The following ZNF765 variants were observed in gnomAD, a reference collection of about 807,000 sequenced individuals.
ZNF765 encodes zinc finger protein 765.
In ZNF765, 37 loss-of-function variants were observed where a neutral mutation model predicts 44.7. That is an observed-to-expected ratio of 0.83 (90% CI 0.64 to 1.09). ZNF765 has a LOEUF of 1.09. Among genes scored for constraint, ZNF765 ranks in the 50% least tolerant of loss-of-function variants. The pLI, the probability that ZNF765 is intolerant of heterozygous loss-of-function variation, is 0.00. For missense variants in ZNF765, 594 were observed against 626.1 expected (o/e 0.95, Z 0.55); for synonymous variants, 201 against 213.7 (o/e 0.94, Z 0.52).
At chr19:53,402,263 T>G in intron 3 of ZNF765, 72 bp downstream of exon 3, 1 of 1,531,940 alleles carries the variant, frequency 6.5e-7, no homozygotes, top group Non-Finnish European at 8.7e-7. Flanking sequence ...TTTTTTTTTT[T>G]TTTTTTTTTT....
At chr19:53,412,188 T>C (rs1376981632), downstream of ZNF765, among the ~76,000 whole-genome samples, 1 of 152,234 alleles carries the variant, frequency 6.6e-6, no homozygotes, top group Non-Finnish European at 1.5e-5. Flanking sequence ...TTCTATTGTT[T>C]AGGTAAATTT....
intron 3 of ZNF765, among the ~76,000 whole-genome samples, chr19:53,419,207 GT>G (rs1319131852): frequency 2.6e-5 from 4 of 152,102 alleles, no homozygotes; most frequent in African/African-American, 9.7e-5. Flanking sequence ...TCTATCTGTG[GT>G]TCAGCCTACT....
intron 1 of ZNF765, among the ~76,000 whole-genome samples, chr19:53,396,168 G>GGCAGACA (rs2085667182): frequency 1.3e-5 from 2 of 152,150 alleles, no homozygotes; most frequent in Non-Finnish European, 2.9e-5. Flanking sequence ...AGAGCAGAGT[G>GGCAGACA]GTGCTGGTGG....
At chr19:53,398,779 T>C (rs1161725926) in intron 2 of ZNF765, among the ~76,000 whole-genome samples, 2 of 152,144 alleles carry the variant, frequency 1.3e-5, no homozygotes, top group Non-Finnish European at 2.9e-5. Context: ...ATATGAAGTC[T>C]TGCTTTGTCG....
chr19:53,414,240 C>CAAAAAAAAAAAAAA (rs754534125), downstream of ZNF765, among the ~76,000 whole-genome samples: 3 of 77,986 alleles, frequency 3.8e-5, 1 homozygote, highest in African/African-American at 1.6e-4. Flanking sequence ...GACTCCATCT[C>CAAAAAAAAAAAAAA]AAAAAAAAAA....
chr19:53,406,027 ATTTTTTT>A (rs201892505), intron 3 of ZNF765, among the ~76,000 whole-genome samples: 104,053 of 124,772 alleles, frequency 0.83, 43,717 homozygotes, highest in Admixed American at 0.88. Flanking sequence ...CCGTTAGTCA[ATTTTTTT>A]TTTTTTTTTT....
chr19:53,399,194 C>T (rs1378423850), intron 2 of ZNF765, among the ~76,000 whole-genome samples: 1 of 151,098 alleles, frequency 6.6e-6, no homozygotes, highest in Non-Finnish European at 1.5e-5. Flanking sequence ...ATTAACTCAT[C>T]ATTTAGCATT....
chr19:53,396,086 G>C (rs1394945564), intron 1 of ZNF765, among the ~76,000 whole-genome samples: 1 of 152,008 alleles, frequency 6.6e-6, no homozygotes, highest in East Asian at 1.9e-4. Context: ...GAGCAAGGTA[G>C]GGAGAGGGAC....
At chr19:53,426,591 A>G (rs1219637386) in exon 4 of ZNF765, 2 of 152,388 alleles carry the variant, frequency 1.3e-5, no homozygotes, top group Non-Finnish European at 2.9e-5. Flanking sequence ...GGAGGTGAGC[A>G]GTGGGTGAGT....
chr19:53,414,464 CA>C (rs1303047066), downstream of ZNF765, among the ~76,000 whole-genome samples: 14 of 18,056 alleles, frequency 7.8e-4, 2 homozygotes, highest in African/African-American at 1.9e-3. Context: ...CACACACACA[CA>C]CACACACACA....
intron 3 of ZNF765, among the ~76,000 whole-genome samples, chr19:53,405,520 T>C (rs1320521511): frequency 6.6e-6 from 1 of 151,614 alleles, no homozygotes; most frequent in African/African-American, 2.4e-5. Flanking sequence ...CCAGCCAAAT[T>C]GGTTCCTGGT....
chr19:53,414,285 A>T (rs2147103130), downstream of ZNF765, among the ~76,000 whole-genome samples: 1 of 150,714 alleles, frequency 6.6e-6, no homozygotes, highest in Middle Eastern at 3.4e-3. Context: ...TATGATATAA[A>T]AATCCTTTGC....
chr19:53,408,435 A>G lies in ZNF765; in HGVS notation c.880A>G (p.Thr294Ala). The G allele has an allele frequency of 6.2e-7, 1 of 1,613,844 alleles. No individual in the cohort carries two copies. The highest frequency in any genetic ancestry group is 2.2e-5 in the East Asian group (1 of 44,846). ...CCTAACATGCCATCGTAGACTTCAT[A>G]CTGGAGAGAAACCTTACAAATGTGA... is the stretch of plus-strand genomic sequence containing the variant. Reference protein sequence around the residue: ...YYLTCHRRLHTGEKPYKCEEC... With the variant: ...YYLTCHRRLHAGEKPYKCEEC... Residue 294 changes from threonine (T) to alanine (A), a missense_variant, in exon 4 of 4, where the codon ACT becomes GCT. Physicochemically the swap from Thr to Ala is moderately conservative, Grantham distance 58 (BLOSUM62 0). This residue lies in a region of ZNF765 where 567 missense variants were observed against 572.6 expected (regional missense o/e 0.99). Transcript: ENST00000396408.
chr19:53,399,822 T>A (rs1156390651), intron 2 of ZNF765, among the ~76,000 whole-genome samples: 1 of 152,186 alleles, frequency 6.6e-6, no homozygotes, highest in Non-Finnish European at 1.5e-5. Context: ...TTTTATTTAT[T>A]TATTTTTTTG....
chr19:53,403,320 C>T (rs567866914), intron 3 of ZNF765, among the ~76,000 whole-genome samples: 3 of 152,252 alleles, frequency 2.0e-5, no homozygotes, highest in African/African-American at 7.2e-5. Context: ...TGGAGAAGAC[C>T]TTACCCTTGT....
At chr19:53,405,903 C>CCATATATATA (rs2085768367) in intron 3 of ZNF765, among the ~76,000 whole-genome samples, 4 of 49,170 alleles carry the variant, frequency 8.1e-5, no homozygotes, top group African/African-American at 2.4e-4. Context: ...TTAATACCAA[C>CCATATATATA]TATATATATA....
At chr19:53,422,414 G>A (rs890139954) in intron 3 of ZNF765, among the ~76,000 whole-genome samples, 1 of 152,106 alleles carries the variant, frequency 6.6e-6, no homozygotes, top group African/African-American at 2.4e-5. Context: ...TGAAGAATAT[G>A]GAGGTGAATA....
downstream of ZNF765, among the ~76,000 whole-genome samples, chr19:53,416,875 T>C (rs1031558999): frequency 6.6e-6 from 1 of 151,936 alleles, no homozygotes; most frequent in Non-Finnish European, 1.5e-5. Context: ...TGGGGAGCAG[T>C]GTTGTGATCT....
intron 3 of ZNF765, among the ~76,000 whole-genome samples, chr19:53,403,006 C>G (rs2085742271): frequency 6.6e-6 from 1 of 152,084 alleles, no homozygotes; most frequent in African/African-American, 2.4e-5. Context: ...GAAACCCCCT[C>G]TCTACTAAAA....
Sources: gnomAD v4.1 joint callset for allele counts (sites outside exome capture counted in the v4.1 genomes callset) on GRCh38, gnomAD v4.1.1 for gene constraint, gnomAD v4.1.1 regional missense constraint, MANE v1.5 for transcripts, NCBI Gene and HGNC (gene_info 2026-07-23, HGNC 2026-07-21) for gene names.